KRT72: variants seen among roughly 807,000 people sequenced by gnomAD.
The protein encoded by KRT72 is keratin 72, also known as keratin, type II cytoskeletal 72.
A neutral mutation model predicts 44.7 loss-of-function variants in KRT72; 44 were observed. The observed-to-expected ratio is 0.98, with a 90% confidence interval of 0.77 to 1.27. The LOEUF (loss-of-function observed/expected upper bound fraction) is 1.27. Ranked by LOEUF, KRT72 falls within the 50% of genes most tolerant of loss-of-function variation. The pLI is 0.00. For synonymous variants in KRT72, 302 were observed against 280.4 expected (o/e 1.08, Z -0.77); for missense variants, 736 against 667.1 (o/e 1.10, Z -1.14).
intron 2 of KRT72, among the ~76,000 whole-genome samples, chr12:52,597,261 A>G (rs568101982): frequency 1.3e-5 from 2 of 152,336 alleles, no homozygotes; most frequent in African/African-American, 4.8e-5. Context: ...CCTATGAGAA[A>G]AGCTTCAGCG....
rs1426542239 is a variant in KRT72 at position 52,601,089 on chromosome 12, G to A, written c.364C>T (p.Arg122Cys). Reference protein sequence around the residue: ...VEMDPEIQRVRAQEREQIKAL... With the variant: ...VEMDPEIQRVCAQEREQIKAL... ...TTGATCTGCTCCCGCTCCTGGGCGC[G>A]CACCCTCTGGATCTCGGGGTCCATC... The change falls in exon 1 of 9, where the codon CGC (arginine) becomes TGC (cysteine). Residue 122 changes from arginine (R) to cysteine (C), a missense_variant. By Grantham distance (180) the Arg-to-Cys change is radical. Coordinates refer to ENST00000293745, the MANE Select transcript of KRT72 (RefSeq NM_080747.3). 1.2e-6 allele frequency: 2 copies of A among 1,612,316 alleles called. No homozygotes were observed. Among genetic ancestry groups the A allele is most frequent in the Non-Finnish European group, 1.7e-6 (2 of 1,179,428 alleles).
rs771773590 is a variant in KRT72, at chr12:52,601,261, T to C, written c.192A>G (p.Ala64=). ...GSRSLALSAA[A]RRGGGRLGGF... ...CGCCCAGGCGGCCGCCGCCCCGCCG[T>C]GCAGCAGCGCTGAGCGCCAGGCTTC... The change falls in exon 1 of 9, where the codon GCA becomes GCG. Residue 64 remains alanine (A), a synonymous_variant. Coordinates refer to ENST00000293745, the MANE Select transcript of KRT72 (RefSeq NM_080747.3). The C allele has an allele frequency of 1.3e-6, 2 of 1,561,206 alleles. No individual in the cohort carries two copies. Among genetic ancestry groups the C allele is most frequent in the South Asian group, 2.3e-5 (2 of 86,048 alleles).
In KRT72 at chr12:52,591,447, A is replaced by C. The variant is rs763304018; in HGVS notation, c.963+17T>G. The C allele has an allele frequency of 2.5e-6, 4 of 1,610,666 alleles. No individual in the cohort carries two copies. In the African/African-American group the frequency reaches 5.3e-5, roughly 22 times the overall value. On this transcript the variant is annotated intron_variant, in intron 5 of 8. Transcript: ENST00000293745. ...AGCTGTGGCCAGTGGGACTCAGCAC[A>C]CCTGGCACCAGCTCACCTTGGTCTG...
In KRT72 at chr12:52,598,907, T is replaced by C. The variant is rs747392602; in HGVS notation, c.632A>G (p.Tyr211Cys). 8.7e-6 allele frequency: 14 copies of C among 1,613,978 alleles called. No individual in the cohort carries two copies. The highest frequency in any genetic ancestry group is 3.3e-4 in the Middle Eastern group (2 of 6,082). ...LRNMQDLVED[Y>C]KKRYEVEINR... ...CCTGCCACTCACTCACCTCTTCTTG[T>C]AGTCCTCCACCAAATCCTGCATGTT... The change falls in exon 2 of 9, where the codon TAC becomes TGC. Residue 211 changes from tyrosine (Y) to cysteine (C), a missense_variant. Coordinates refer to ENST00000293745, the MANE Select transcript of KRT72 (RefSeq NM_080747.3).
chr12:52,586,122 C>G lies in KRT72; in HGVS notation c.1396G>C (p.Gly466Arg). 2.5e-6 allele frequency: 4 copies of G among 1,614,182 alleles called. No individual in the cohort carries two copies. Among genetic ancestry groups the G allele is most frequent in the Non-Finnish European group, 3.4e-6 (4 of 1,180,032 alleles). The change falls in exon 9 of 9, where the codon GGC (glycine) becomes CGC (arginine). Residue 466 changes from glycine to arginine, a missense_variant. Physicochemically the swap from Gly to Arg is moderately radical, Grantham distance 125 (BLOSUM62 -2). Transcript: ENST00000293745. ...AGAGGAGFSMGFGASSSYSYK... is the reference protein window; with the variant it reads ...AGAGGAGFSMRFGASSSYSYK... ...CTATAACTGCTTGAGGCGCCAAAGC[C>G]CATGCTGAAGCCAGCCCCTCCTGCC...
At chr12:52,598,070 C>G (rs990459175) in intron 2 of KRT72, among the ~76,000 whole-genome samples, 1 of 152,206 alleles carries the variant, frequency 6.6e-6, no homozygotes. Flanking sequence ...TATCTCAGTT[C>G]ACACCATATT....
At position 52,601,249 on chromosome 12, in the gene KRT72, G is replaced by GCCGCC; in HGVS notation, c.199_203dup (p.Gly69AlafsTer66). 6.4e-7 allele frequency: 1 copy of GCCGCC among 1,565,150 alleles called. No homozygotes were observed. Among genetic ancestry groups the GCCGCC allele is most frequent in the Non-Finnish European group, 8.7e-7 (1 of 1,155,672 alleles). ...TGCCCACGAAGCCGCCCAGGCGGCC[G>GCCGCC]CCGCCCCGCCGTGCAGCAGCGCTGA... is the stretch of plus-strand genomic sequence containing the variant. On this transcript the variant is annotated frameshift_variant, in exon 1 of 9. Coordinates refer to ENST00000293745, the MANE Select transcript of KRT72 (RefSeq NM_080747.3). LOFTEE classifies it high-confidence loss of function.
chr12:52,586,779 C>T (rs1046667766), intron 8 of KRT72, among the ~76,000 whole-genome samples, 167 bp downstream of exon 8: 1 of 152,162 alleles, frequency 6.6e-6, no homozygotes, highest in Non-Finnish European at 1.5e-5. Flanking sequence ...ATAGTCTTCT[C>T]CATCCACTGC....
At position 52,591,609 on chromosome 12, in the gene KRT72, G is replaced by C. The variant is rs142172097; in HGVS notation, c.818C>G (p.Ser273Cys). The C allele has an allele frequency of 1.9e-6, 3 of 1,613,262 alleles. No individual in the cohort carries two copies. The highest frequency in any genetic ancestry group is 2.5e-6 in the Non-Finnish European group (3 of 1,179,282). The change falls in exon 5 of 9, where the codon TCC becomes TGC. Residue 273 changes from serine to cysteine, a missense_variant. By Grantham distance (112) the Ser-to-Cys change is moderately radical (BLOSUM62 -1). Transcript: ENST00000293745. ...LYEGEITQIQ[S>C]HISDTSIVLS... ...GACGATGGACGTGTCGCTGATGTGG[G>C]ACTGGATCTGAGTGATCTCCTGGGG...
chr12:52,598,393 T>A (rs1396763520), intron 2 of KRT72, among the ~76,000 whole-genome samples: 3 of 152,246 alleles, frequency 2.0e-5, no homozygotes, highest in Admixed American at 6.5e-5. Context: ...GATTTATTAC[T>A]GTCTCATATT....
intron 2 of KRT72, among the ~76,000 whole-genome samples, chr12:52,596,570 T>TC (rs951048178): frequency 6.6e-6 from 1 of 151,748 alleles, no homozygotes; most frequent in African/African-American, 2.4e-5. Context: ...TTTTTTTTTT[T>TC]AGACAGAATC....
At chr12:52,586,536 G>A (rs1017250369) in intron 8 of KRT72, among the ~76,000 whole-genome samples, 1 of 152,160 alleles carries the variant, frequency 6.6e-6, no homozygotes, top group Non-Finnish European at 1.5e-5. Context: ...CTCCACACAG[G>A]CTCTCCAGCT....
intron 1 of KRT72, among the ~76,000 whole-genome samples, chr12:52,599,945 C>T (rs781179757): frequency 1.6e-4 from 24 of 152,208 alleles, no homozygotes; most frequent in East Asian, 5.8e-4. Flanking sequence ...TCACTTGGGA[C>T]GGCACCATAA....
chr12:52,590,755 T>C, intron 6 of KRT72, 81 bp downstream of exon 6: 2 of 1,402,352 alleles, frequency 1.4e-6, no homozygotes, highest in Admixed American at 1.9e-5. Context: ...GGGCACTGTG[T>C]TTTACCCTTT....
chr12:52,589,720 G>A (rs1237358368), intron 6 of KRT72, among the ~76,000 whole-genome samples: 1 of 152,190 alleles, frequency 6.6e-6, no homozygotes, highest in Non-Finnish European at 1.5e-5. Context: ...AGCCGCAATG[G>A]GGACTCAGCA....
At chr12:52,589,837 A>G (rs543172462) in intron 6 of KRT72, among the ~76,000 whole-genome samples, 2 of 152,356 alleles carry the variant, frequency 1.3e-5, no homozygotes, top group Admixed American at 1.3e-4. Context: ...ATAGCATTTC[A>G]TTAGTTAAAC....
rs533209748 is a variant in KRT72 at position 52,592,983 on chromosome 12, G to A, written c.642-31C>T. ...TGGGGCAAGACAATGAGGTAATTCA[G>A]TTCTGCAAACACTCACTGAACAGTT... On this transcript the variant is annotated intron_variant, in intron 2 of 8. Transcript: ENST00000293745. 1.0e-5 allele frequency: 16 copies of A among 1,600,848 alleles called. No homozygotes were observed. The South Asian group carries it at 1.8e-4, about 18-fold the overall frequency.
chr12:52,589,907 C>T (rs1939931571), intron 6 of KRT72, among the ~76,000 whole-genome samples: 1 of 152,188 alleles, frequency 6.6e-6, no homozygotes. Flanking sequence ...ACTTATATAG[C>T]TCTTGATTAA....
upstream of KRT72, among the ~76,000 whole-genome samples, chr12:52,602,039 C>A (rs1048532930): frequency 6.6e-6 from 1 of 152,202 alleles, no homozygotes; most frequent in Admixed American, 6.5e-5. Context: ...TCTGCAGAGA[C>A]CTCTCAGTCT....
Sources: allele counts gnomAD v4.1 joint callset (sites outside exome capture counted in the v4.1 genomes callset), GRCh38; gene constraint gnomAD v4.1.1; transcripts MANE v1.5; gene names NCBI Gene and HGNC (gene_info 2026-07-23, HGNC 2026-07-21).